The following ZNF653 variants were observed in gnomAD, a reference collection of about 807,000 sequenced individuals.
ZNF653 encodes the protein zinc finger protein 653, also known as 67 kDa zinc finger protein.
A neutral mutation model predicts 59.9 loss-of-function variants in ZNF653; 37 were observed. The observed-to-expected ratio is 0.62, with a 90% CI of 0.48 to 0.81. ZNF653 has a LOEUF of 0.81. Ranked by LOEUF, ZNF653 falls within the 40% of genes least tolerant of loss-of-function variation. The pLI, the probability that ZNF653 is intolerant of heterozygous loss-of-function variation, is 0.00. For missense variants in ZNF653, 808 were observed against 881.1 expected (o/e 0.92, Z 1.05); for synonymous variants, 435 against 371.8 (o/e 1.17, Z -1.96).
chr19:11,505,739 C>CGCCTCA lies in ZNF653; in HGVS notation c.42_47dup (p.Glu15_Ala16dup). 4.8e-6 allele frequency: 7 copies of CGCCTCA among 1,449,422 alleles called. No individual in the cohort carries two copies. Among genetic ancestry groups the CGCCTCA allele is most frequent in the Non-Finnish European group, 5.4e-6 (6 of 1,111,312 alleles). 89.8% of individuals were successfully genotyped at this position (1,449,422 alleles called of 1,614,324 possible). On this transcript the variant is annotated inframe_insertion, in exon 1 of 9. Transcript: ENST00000293771. ...CGGCTGCTGCCTCCCCGCCCGCGCC[C>CGCCTCA]GCCTCAGCCTCCGCCTCCGCCTCGG... is the stretch of plus-strand genomic sequence containing the variant.
At chr19:11,486,728 CT>C in intron 6 of ZNF653, 40 bp downstream of exon 6, 1 of 1,533,556 alleles carries the variant, frequency 6.5e-7, no homozygotes, top group East Asian at 2.4e-5. Context: ...TGGCCTGGGC[CT>C]TGTGGGCCTG....
chr19:11,496,821 C>T (rs576485469), intron 2 of ZNF653, among the ~76,000 whole-genome samples: 4 of 152,228 alleles, frequency 2.6e-5, no homozygotes, highest in Non-Finnish European at 4.4e-5. Flanking sequence ...GAGCCAAGGT[C>T]GCAACACTGC....
Position 11,495,690 on chromosome 19 carries a change from G to C in ZNF653, c.559+260C>G. The C allele has an allele frequency of 2.1e-6, 1 of 483,458 alleles. No individual in the cohort carries two copies. Among genetic ancestry groups the C allele is most frequent in the Non-Finnish European group, 3.8e-6 (1 of 263,580 alleles). The allele number at this position is 483,458 out of a possible 1,614,324, so 29.9% of individuals were successfully genotyped here. ...GGCTCCTGGGCCCTCAGCCAGCCCT[G>C]CCTGGGACTGGCCTTGGGCACAGAT... On this transcript the variant is annotated intron_variant, in intron 3 of 8. Transcript: ENST00000293771. This position sits in a 1 kb window ranked among gnomAD's most constrained non-coding sequence, Gnocchi z 4.9.
In ZNF653 at chr19:11,487,305, G is replaced by A. The variant is rs765481807; in HGVS notation, c.1158C>T (p.Ile386=). The A allele has an allele frequency of 3.7e-6, 6 of 1,605,010 alleles. 1 individual carries two copies. The highest frequency in any genetic ancestry group is 3.4e-5 in the Admixed American group (2 of 59,470). ...GGTCCCCCAGACCTTTCTTGGTCTC[G>A]ATGCCTGCTACTGCGGTGGCGTCCA... ...STMDATAVAG[I]ETKKEKEDLC... is the part of the protein sequence containing the mutation. Residue 386 remains isoleucine, a synonymous_variant, in exon 4 of 9, where the codon ATC becomes ATT. Transcript: ENST00000293771. This position sits in a 1 kb window ranked among gnomAD's most constrained non-coding sequence, Gnocchi z 5.1.
In ZNF653 at chr19:11,495,900, AG is replaced by A; in HGVS notation, c.559+49del. The A allele has an allele frequency of 6.4e-7, 1 of 1,562,810 alleles. No individual in the cohort carries two copies. On this transcript the variant is annotated intron_variant, in intron 3 of 8. Transcript: ENST00000293771. This position sits in a 1 kb window ranked among gnomAD's most constrained non-coding sequence, Gnocchi z 4.9. Reference sequence around the variant, plus strand: ...TGATGCTAGCCTAGGGCTCGTAAGAAGCCCCCAGAAATGGGCGGCCCCCTAT... The same window carrying A: ...TGATGCTAGCCTAGGGCTCGTAAGAACCCCCAGAAATGGGCGGCCCCCTAT...
chr19:11,496,937 C>T lies in ZNF653; in HGVS notation c.344-772G>A, dbSNP rs1233183726. On this transcript the variant is annotated intron_variant, in intron 2 of 8. Coordinates refer to ENST00000293771, the MANE Select transcript of ZNF653 (RefSeq NM_138783.4). ...GTGACTTGTCACCTCCCCGCCCTCA[C>T]CCACTTGGTGACTGCACTCCACTCC... Among the ~76,000 whole-genome samples the T allele has an allele frequency of 2.6e-5, 4 of 152,346 alleles. No homozygotes were observed. The South Asian group carries it at 8.3e-4, about 32-fold the overall frequency.
rs1185343365 is a variant in ZNF653, at chr19:11,495,301, G to C, written c.559+649C>G. ...GGAGAGAGGCAGGGACCGCGAAGGT[G>C]GGGAGGGAGGAGGAGAAAGGGGAAT... On this transcript the variant is annotated intron_variant, in intron 3 of 8. Coordinates refer to ENST00000293771, the MANE Select transcript of ZNF653 (RefSeq NM_138783.4). The surrounding 1 kb of genome is among the most constrained non-coding windows in gnomAD (Gnocchi z 4.9). Among the ~76,000 whole-genome samples, 7 of 152,160 alleles carry C rather than the reference G, an allele frequency of 4.6e-5. No individual in the cohort carries two copies.
intron 3 of ZNF653, among the ~76,000 whole-genome samples, chr19:11,489,010 C>A (rs1237424621): frequency 1.3e-5 from 2 of 151,084 alleles, no homozygotes; most frequent in African/African-American, 4.9e-5. Context: ...AGCGATTCTC[C>A]TGCCTCAGCC....
At chr19:11,498,654 G>C (rs1200790865) in intron 1 of ZNF653, among the ~76,000 whole-genome samples, 2 of 151,592 alleles carry the variant, frequency 1.3e-5, no homozygotes, top group South Asian at 4.2e-4. Context: ...ATGTTGGCCA[G>C]GCTGGTCTCG....
At chr19:11,488,121 G>C (rs1971491181) in intron 3 of ZNF653, among the ~76,000 whole-genome samples, 1 of 148,874 alleles carries the variant, frequency 6.7e-6, no homozygotes, top group South Asian at 2.1e-4. Context: ...CCGAGTAGCT[G>C]GGACTACAGG....
At chr19:11,488,982 C>A (rs1971502103) in intron 3 of ZNF653, among the ~76,000 whole-genome samples, 1 of 151,754 alleles carries the variant, frequency 6.6e-6, no homozygotes, top group African/African-American at 2.4e-5. Flanking sequence ...TCACTGTAAC[C>A]TCTGCCTCCT....
At chr19:11,488,034 C>G in intron 3 of ZNF653, 131 bp from the exon 4 acceptor site, 1 of 927,636 alleles carries the variant, frequency 1.1e-6, no homozygotes, top group Non-Finnish European at 1.4e-6. Flanking sequence ...GTCACCCAGG[C>G]TGGAGTGCAG....
intron 3 of ZNF653, among the ~76,000 whole-genome samples, chr19:11,491,799 G>T (rs311803): frequency 6.6e-6 from 1 of 151,922 alleles, no homozygotes; most frequent in Admixed American, 6.6e-5. Flanking sequence ...GGATGGTCTC[G>T]ATCTCCTGAC....
At chr19:11,496,497 C>A (rs1345897420) in intron 2 of ZNF653, among the ~76,000 whole-genome samples, 1 of 152,154 alleles carries the variant, frequency 6.6e-6, no homozygotes, top group Admixed American at 6.6e-5. Flanking sequence ...GACTCCCAGG[C>A]TCCCGCCCTA....
intron 8 of ZNF653, 43 bp downstream of exon 8, chr19:11,483,999 T>TC (rs1971437493): frequency 6.5e-7 from 1 of 1,542,542 alleles, no homozygotes; most frequent in Admixed American, 2.0e-5. Context: ...TGGGATCCCC[T>TC]CCCACCCAAT....
At chr19:11,505,391 G>T in intron 1 of ZNF653, 97 bp downstream of exon 1, 4 of 1,265,020 alleles carry the variant, frequency 3.2e-6, no homozygotes, top group Non-Finnish European at 4.1e-6. Context: ...GTCCGCAGGT[G>T]CCGGGGGCTG....
rs1169192862 is a variant in ZNF653 at position 11,487,153 on chromosome 19, C to T, written c.1177G>A (p.Glu393Lys). 5.6e-6 allele frequency: 9 copies of T among 1,611,120 alleles called. No homozygotes were observed. Among genetic ancestry groups the T allele is most frequent in the Non-Finnish European group, 6.8e-6 (8 of 1,179,920 alleles). ...TCCTTCTTTAGCAAGCACAGGTCCT[C>T]CTTCTCTACAGGGTGGACACAGGGT... is the stretch of plus-strand genomic sequence containing the variant. Reference protein sequence around the residue: ...VAGIETKKEKEDLCLLKKEEK... With the variant: ...VAGIETKKEKKDLCLLKKEEK... Residue 393 changes from glutamate (E) to lysine (K), a missense_variant, in exon 5 of 9, where the codon GAG (glutamate) becomes AAG (lysine). By Grantham distance (56) the Glu-to-Lys change is moderately conservative. Transcript: ENST00000293771. The surrounding 1 kb of genome is among the most constrained non-coding windows in gnomAD (Gnocchi z 5.1).
At chr19:11,499,570 G>C (rs555815196) in intron 1 of ZNF653, among the ~76,000 whole-genome samples, 1 of 149,120 alleles carries the variant, frequency 6.7e-6, no homozygotes, top group African/African-American at 2.5e-5. Flanking sequence ...TTCAAGACCA[G>C]CCTGGGCAAC....
In ZNF653 at chr19:11,487,219, G is replaced by C; in HGVS notation, c.1172-61C>G. Reference sequence around the variant, plus strand: ...CGAAGGCTGCCGAGGTGCCCACTTCGAGGGCCATTCCTCGCCCGGCCCCTC... The same window carrying C: ...CGAAGGCTGCCGAGGTGCCCACTTCCAGGGCCATTCCTCGCCCGGCCCCTC... On this transcript the variant is annotated intron_variant, in intron 4 of 8. Transcript: ENST00000293771. The surrounding 1 kb of genome is among the most constrained non-coding windows in gnomAD (Gnocchi z 5.1). The C allele has an allele frequency of 1.2e-6, 2 of 1,601,302 alleles. No individual in the cohort carries two copies. The highest frequency in any genetic ancestry group is 2.2e-5 in the East Asian group (1 of 44,742).
Sources: allele counts gnomAD v4.1 joint callset (sites outside exome capture counted in the v4.1 genomes callset), GRCh38; gene constraint gnomAD v4.1.1; non-coding constraint Gnocchi (gnomAD v3.1); transcripts MANE v1.5; gene names NCBI Gene and HGNC (gene_info 2026-07-23, HGNC 2026-07-21).